Variants in VAV3 observed in about 807,000 individuals in gnomAD.
VAV3 encodes guanine nucleotide exchange factor VAV3.
In VAV3, 94 loss-of-function variants were observed where a neutral mutation model predicts 131.2. The ratio of observed to expected loss-of-function variants is 0.72; its 90% CI spans 0.61 to 0.85. The LOEUF is 0.85. Among genes scored for constraint, VAV3 ranks in the 40% least tolerant of loss-of-function variants. The pLI is 0.00. For missense variants in VAV3, 939 were observed against 1,002.7 expected (o/e 0.94, Z 0.86); for synonymous variants, 349 against 342.0 (o/e 1.02, Z -0.22).
chr1:107,722,524 T>C (rs1661559114), intron 15 of VAV3, among the ~76,000 whole-genome samples: 1 of 152,140 alleles, frequency 6.6e-6, no homozygotes, highest in Non-Finnish European at 1.5e-5. Flanking sequence ...CCTCAAAAAA[T>C]ATTTTCAAGA....
intron 1 of VAV3, among the ~76,000 whole-genome samples, chr1:107,948,022 A>G (rs1674354294): frequency 6.6e-6 from 1 of 152,226 alleles, no homozygotes; most frequent in African/African-American, 2.4e-5. Flanking sequence ...GGCTTAAAAT[A>G]GCAAAACTGC....
chr1:107,867,571 T>TA (rs1460156282), intron 2 of VAV3, among the ~76,000 whole-genome samples: 2 of 152,066 alleles, frequency 1.3e-5, no homozygotes, highest in African/African-American at 4.8e-5. Context: ...CTCCTTTGCC[T>TA]AAAAAAAGGT....
At chr1:107,705,163 T>C in intron 15 of VAV3, 102 bp from the exon 16 acceptor site, 1 of 919,194 alleles carries the variant, frequency 1.1e-6, no homozygotes, top group East Asian at 2.7e-5. Flanking sequence ...CAGGTAGAGA[T>C]CTGATTCAAG....
chr1:107,718,130 C>T (rs1310748918), intron 15 of VAV3, among the ~76,000 whole-genome samples: 1 of 152,086 alleles, frequency 6.6e-6, no homozygotes, highest in Non-Finnish European at 1.5e-5. Flanking sequence ...GGAAGCATTC[C>T]CTTTGAAAAC....
At chr1:107,888,540 C>T (rs1377291857) in intron 1 of VAV3, among the ~76,000 whole-genome samples, 1 of 152,184 alleles carries the variant, frequency 6.6e-6, no homozygotes, top group African/African-American at 2.4e-5. Context: ...CTCACTGCAA[C>T]CTCCACCTCC....
At chr1:107,794,136 G>A (rs1364175627) in intron 2 of VAV3, among the ~76,000 whole-genome samples, 1 of 152,250 alleles carries the variant, frequency 6.6e-6, no homozygotes, top group East Asian at 1.9e-4. Context: ...ACCCAGAACT[G>A]TCAAGAATCT....
chr1:107,713,445 A>T (rs190233161), intron 15 of VAV3, among the ~76,000 whole-genome samples: 3 of 152,232 alleles, frequency 2.0e-5, no homozygotes, highest in African/African-American at 7.2e-5. Context: ...TCCTTGCAAT[A>T]CACAAGTACC....
intron 15 of VAV3, among the ~76,000 whole-genome samples, chr1:107,708,933 C>T (rs1286359274): frequency 6.6e-6 from 1 of 151,676 alleles, no homozygotes; most frequent in Non-Finnish European, 1.5e-5. Flanking sequence ...TATACACACC[C>T]GCACACCCAC....
intron 19 of VAV3, among the ~76,000 whole-genome samples, chr1:107,664,970 A>G (rs1657310596): frequency 6.6e-6 from 1 of 152,236 alleles, no homozygotes; most frequent in Admixed American, 6.5e-5. Context: ...GATCTCTGCT[A>G]TTGCAGGAGT....
chr1:107,597,324 CCAGA>C (rs1209956219), intron 24 of VAV3, among the ~76,000 whole-genome samples: 1 of 151,404 alleles, frequency 6.6e-6, no homozygotes, highest in African/African-American at 2.4e-5. Flanking sequence ...TCAAAGTTCC[CCAGA>C]CAAATCAATG....
At chr1:107,594,393 C>T (rs1034518555) in intron 25 of VAV3, among the ~76,000 whole-genome samples, 29 of 151,928 alleles carry the variant, frequency 1.9e-4, no homozygotes, top group Admixed American at 4.6e-4. Context: ...CAAAACCAAA[C>T]GATAACAAAT....
chr1:107,700,437 T>C (rs1468580860), intron 17 of VAV3, among the ~76,000 whole-genome samples: 1 of 152,210 alleles, frequency 6.6e-6, no homozygotes, highest in African/African-American at 2.4e-5. Flanking sequence ...TAGCTATTTT[T>C]CCTGATGCTC....
chr1:107,860,914 A>C (rs946809488), intron 2 of VAV3, among the ~76,000 whole-genome samples: 2 of 151,640 alleles, frequency 1.3e-5, no homozygotes, highest in African/African-American at 4.8e-5. Flanking sequence ...GAAACATAAC[A>C]ATCTTCAAAT....
intron 2 of VAV3, among the ~76,000 whole-genome samples, chr1:107,811,531 A>G (rs2102331811): frequency 6.6e-6 from 1 of 152,338 alleles, no homozygotes; most frequent in East Asian, 1.9e-4. Flanking sequence ...ACATTTTTAA[A>G]ATTAATTATT....
intron 2 of VAV3, among the ~76,000 whole-genome samples, chr1:107,869,336 C>T (rs1670146838): frequency 6.6e-6 from 1 of 152,152 alleles, no homozygotes; most frequent in African/African-American, 2.4e-5. Flanking sequence ...TCTTATCTCA[C>T]CCTTTTAATA....
intron 2 of VAV3, among the ~76,000 whole-genome samples, chr1:107,839,794 A>G (rs1426078924): frequency 6.6e-6 from 1 of 152,108 alleles, no homozygotes; most frequent in African/African-American, 2.4e-5. Context: ...CAAACCAAGA[A>G]AAAAGAAAGA....
chr1:107,600,018 G>T (rs2101091266), intron 24 of VAV3, among the ~76,000 whole-genome samples: 1 of 152,016 alleles, frequency 6.6e-6, no homozygotes, highest in African/African-American at 2.4e-5. Context: ...CAGAAGTTCA[G>T]GTTGCTAAAA....
intron 21 of VAV3, among the ~76,000 whole-genome samples, chr1:107,610,735 A>G (rs1193976436): frequency 1.3e-5 from 2 of 152,354 alleles, no homozygotes; most frequent in East Asian, 3.9e-4. Context: ...GAACAAAGAC[A>G]AAGCAGGTAT....
At chr1:107,701,449 CA>C (rs1424537817) in intron 17 of VAV3, among the ~76,000 whole-genome samples, 2 of 104,680 alleles carry the variant, frequency 1.9e-5, no homozygotes, top group Non-Finnish European at 4.7e-5. Flanking sequence ...ATCCAGTCCA[CA>C]AAACCATTTC....
Sources: gnomAD v4.1 joint callset for allele counts (sites outside exome capture counted in the v4.1 genomes callset) on GRCh38, gnomAD v4.1.1 for gene constraint, MANE v1.5 for transcripts, NCBI Gene and HGNC (gene_info 2026-07-23, HGNC 2026-07-21) for gene names.